Variants in STMND1 observed in about 807,000 individuals in gnomAD.
STMND1 encodes stathmin domain-containing protein 1.
STMND1 carries 17 observed loss-of-function variants against 23.0 expected under a neutral mutation model. The ratio of observed to expected loss-of-function variants is 0.74; its 90% CI spans 0.51 to 1.11. The LOEUF is 1.11. STMND1 is among the 50% of genes least tolerant of loss of function. The pLI, the probability that STMND1 is intolerant of heterozygous loss-of-function variation, is 0.00. For missense variants in STMND1, 305 were observed against 329.1 expected (o/e 0.93, Z 0.57); for synonymous variants, 114 against 119.9 (o/e 0.95, Z 0.32).
chr6:17,102,343 TAAAC>T lies in STMND1; in HGVS notation c.81+31_81+34del, dbSNP rs35221460. Reference sequence around the variant, plus strand: ...GGCTGGAAAGAGGAATTCAAGGTAATAAACAAACAAACAAACAAACAAACAAACA... The same window carrying T: ...GGCTGGAAAGAGGAATTCAAGGTAATAAACAAACAAACAAACAAACAAACA... On this transcript the variant is annotated splice_donor_region_variant and intron_variant, in intron 1 of 4. Coordinates refer to ENST00000536551, the MANE Select transcript of STMND1 (RefSeq NM_001190766.2). 0.068 allele frequency: 103,506 copies of T among 1,515,080 alleles called. 4,346 individuals are homozygous for T. Among genetic ancestry groups the T allele is most frequent in the African/African-American group, 0.2 (14,818 of 72,298 alleles). The allele number at this position is 1,515,080 out of a possible 1,614,324, so 93.9% of individuals were successfully genotyped here.
chr6:17,131,255 C>A lies in STMND1; in HGVS notation c.*374C>A, dbSNP rs1761389228. ...TGGCGGGGTCCATCCTCTGCTGCTC[C>A]TTTAAAACAAATTGCATGGATTTGT... On this transcript the variant is annotated 3_prime_UTR_variant, in exon 5 of 5. Coordinates refer to ENST00000536551, the MANE Select transcript of STMND1 (RefSeq NM_001190766.2). 5.5e-6 allele frequency: 1 copy of A among 183,056 alleles called. No homozygotes were observed. Among genetic ancestry groups the A allele is most frequent in the African/African-American group, 2.3e-5 (1 of 42,714 alleles). 11.3% of individuals were successfully genotyped at this position (183,056 alleles called of 1,614,324 possible).
In STMND1 at chr6:17,105,370, G is replaced by A. The variant is rs530560663; in HGVS notation, c.81+3032G>A. ...TATTATAAGATAAAATCCTGGCCGG[G>A]TGTGGTGGCTCCTGCCTGTAATCCC... On this transcript the variant is annotated intron_variant, in intron 1 of 4. Transcript: ENST00000536551. Among the ~76,000 whole-genome samples the A allele has an allele frequency of 2.2e-4, 34 of 152,340 alleles. 1 individual carries two copies. In the South Asian group the frequency reaches 6.6e-3, roughly 30 times the overall value.
At chr6:17,117,231 G>C (rs1423704172) in intron 2 of STMND1, among the ~76,000 whole-genome samples, 1 of 151,920 alleles carries the variant, frequency 6.6e-6, no homozygotes, top group Non-Finnish European at 1.5e-5. Flanking sequence ...ACCATGCCTG[G>C]CTAATTTTTG....
chr6:17,116,108 T>C (rs547105216), intron 2 of STMND1, among the ~76,000 whole-genome samples: 1 of 152,148 alleles, frequency 6.6e-6, no homozygotes, highest in Non-Finnish European at 1.5e-5. Flanking sequence ...TAAATATCAG[T>C]GTTGGTCACA....
At position 17,129,306 on chromosome 6, in the gene STMND1, C is replaced by T. The variant is rs988589258; in HGVS notation, c.543+63C>T. 4 of 1,477,534 alleles carry T rather than the reference C, an allele frequency of 2.7e-6. No individual in the cohort carries two copies. The African/African-American group carries it at 5.7e-5, about 21-fold the overall frequency. 91.5% of individuals were successfully genotyped at this position (1,477,534 alleles called of 1,614,324 possible). ...GCTGTCTGTTAAAATGATCTCACCC[C>T]AGAGCTTTCCTATCAGCAGTTTTAA... On this transcript the variant is annotated intron_variant, in intron 4 of 4. Coordinates refer to ENST00000536551, the MANE Select transcript of STMND1 (RefSeq NM_001190766.2).
chr6:17,109,580 A>C (rs919959793), intron 1 of STMND1, among the ~76,000 whole-genome samples: 8 of 152,138 alleles, frequency 5.3e-5, no homozygotes, highest in African/African-American at 1.9e-4. Flanking sequence ...CTTATTTTTA[A>C]TTCATTTTTC....
intron 4 of STMND1, 59 bp downstream of exon 4, chr6:17,129,302 A>G: frequency 1.3e-6 from 2 of 1,487,316 alleles, no homozygotes; most frequent in Non-Finnish European, 1.8e-6. Flanking sequence ...AAATGATCTC[A>G]CCCCAGAGCT....
intron 4 of STMND1, among the ~76,000 whole-genome samples, chr6:17,129,694 A>G (rs1040806254): frequency 1.3e-3 from 182 of 140,138 alleles, no homozygotes; most frequent in South Asian, 4.0e-3. Flanking sequence ...AATACAAAAA[A>G]TTAGCCGGGC....
At chr6:17,117,593 A>G (rs1361743873) in intron 2 of STMND1, among the ~76,000 whole-genome samples, 3 of 152,056 alleles carry the variant, frequency 2.0e-5, no homozygotes, top group African/African-American at 7.2e-5. Flanking sequence ...TGGAAAGCAG[A>G]AAACATTTAT....
intron 4 of STMND1, 90 bp from the exon 5 acceptor site, chr6:17,130,504 G>C (rs1761375748): frequency 1.0e-6 from 1 of 998,388 alleles, no homozygotes; most frequent in Non-Finnish European, 1.4e-6. Context: ...ATGACATAGA[G>C]AAGCCATGAA....
At chr6:17,108,793 T>C (rs1277566681) in intron 1 of STMND1, among the ~76,000 whole-genome samples, 1 of 149,740 alleles carries the variant, frequency 6.7e-6, no homozygotes, top group Non-Finnish European at 1.5e-5. Flanking sequence ...GCCTCTCGAG[T>C]TCAAGTGATT....
rs571671911 is a variant in STMND1 at position 17,113,231 on chromosome 6, A to C, written c.82-1731A>C. Reference sequence around the variant, plus strand: ...CAGTAGGATAGACAGATGGATAGATAGGTAGATAGGTAAATTGTAAGGAAT... The same window carrying C: ...CAGTAGGATAGACAGATGGATAGATCGGTAGATAGGTAAATTGTAAGGAAT... On this transcript the variant is annotated intron_variant, in intron 1 of 4. Transcript: ENST00000536551. Among the ~76,000 whole-genome samples the C allele has an allele frequency of 7.2e-5, 11 of 152,350 alleles. No homozygotes were observed. In the South Asian group the frequency reaches 2.1e-3, roughly 29 times the overall value.
In STMND1 at chr6:17,131,233, C is replaced by G. The variant is rs534802461; in HGVS notation, c.*352C>G. The G allele has an allele frequency of 5.0e-6, 1 of 200,656 alleles. No individual in the cohort carries two copies. The highest frequency in any genetic ancestry group is 9.9e-6 in the Non-Finnish European group (1 of 100,620). The allele number at this position is 200,656 out of a possible 1,614,324, so 12.4% of individuals were successfully genotyped here. ...CTTCCTGTTTACTCCTGCCTTGTGG[C>G]GGGGTCCATCCTCTGCTGCTCCTTT... On this transcript the variant is annotated 3_prime_UTR_variant, in exon 5 of 5. Coordinates refer to ENST00000536551, the MANE Select transcript of STMND1 (RefSeq NM_001190766.2).
chr6:17,129,729 A>G (rs1489263004), intron 4 of STMND1, among the ~76,000 whole-genome samples: 2 of 152,020 alleles, frequency 1.3e-5, no homozygotes, highest in Non-Finnish European at 2.9e-5. Flanking sequence ...CTGTAGTCCC[A>G]GCTACTCGGG....
intron 4 of STMND1, 127 bp downstream of exon 4, chr6:17,129,370 T>A (rs1199382542): frequency 2.1e-6 from 2 of 969,336 alleles, no homozygotes; most frequent in Non-Finnish European, 2.8e-6. Context: ...TTTTTTTTAT[T>A]ATTTTACTAA....
intron 1 of STMND1, among the ~76,000 whole-genome samples, chr6:17,105,622 G>A (rs1264148396): frequency 6.6e-6 from 1 of 151,252 alleles, no homozygotes; most frequent in African/African-American, 2.4e-5. Context: ...ACTCCAGCCT[G>A]GGCAACAAGA....
intron 1 of STMND1, among the ~76,000 whole-genome samples, chr6:17,102,815 T>C (rs1398288654): frequency 1.3e-5 from 2 of 152,184 alleles, no homozygotes; most frequent in African/African-American, 4.8e-5. Context: ...TCAGAACCTA[T>C]CTGGTTGCGT....
At chr6:17,110,809 A>G (rs1428342758) in intron 1 of STMND1, 1 of 455,902 alleles carries the variant, frequency 2.2e-6, no homozygotes, top group East Asian at 7.0e-5. Flanking sequence ...CTGGGAAGAC[A>G]TTACCGAGTG....
chr6:17,126,053 TATATATATATA>T (rs1176112296), intron 3 of STMND1, among the ~76,000 whole-genome samples: 14 of 34,776 alleles, frequency 4.0e-4, no homozygotes, highest in East Asian at 2.7e-3. Flanking sequence ...TATATATATA[TATATATATATA>T]TATATATTTT....
Sources: gnomAD v4.1 joint callset for allele counts (sites outside exome capture counted in the v4.1 genomes callset) on GRCh38, gnomAD v4.1.1 for gene constraint, MANE v1.5 for transcripts, NCBI Gene and HGNC (gene_info 2026-07-23, HGNC 2026-07-21) for gene names.